Variants in ABCC1 observed in about 807,000 individuals in gnomAD.
The protein encoded by ABCC1 is multidrug resistance-associated protein 1.
A neutral mutation model predicts 172.9 loss-of-function variants in ABCC1; 83 were observed. The observed-to-expected ratio is 0.48, with a 90% CI of 0.40 to 0.58. The LOEUF (loss-of-function observed/expected upper bound fraction) is 0.58, where lower values mean the gene tolerates loss of function less well. Ranked by LOEUF, ABCC1 falls within the 20% of genes least tolerant of loss-of-function variation. ABCC1 has a pLI of 0.00. For missense variants in ABCC1, 1,817 were observed against 2,002.7 expected, an observed-to-expected ratio of 0.91 and a Z score of 1.77; for synonymous variants, 937 against 825.2, an observed-to-expected ratio of 1.14 and a Z score of -2.32.
chr16:15,969,794 C>T (rs1032123699), intron 1 of ABCC1, among the ~76,000 whole-genome samples: 2 of 151,976 alleles, frequency 1.3e-5, no homozygotes, highest in Non-Finnish European at 2.9e-5. Flanking sequence ...GTAGAATCTC[C>T]GAGGGTCAGT....
chr16:15,971,854 T>C (rs2046377571), intron 1 of ABCC1, among the ~76,000 whole-genome samples: 1 of 151,962 alleles, frequency 6.6e-6, no homozygotes. Flanking sequence ...TTAGATAAAA[T>C]GACACAGACA....
chr16:15,976,349 T>G (rs1248782294), intron 1 of ABCC1, among the ~76,000 whole-genome samples: 1 of 152,222 alleles, frequency 6.6e-6, no homozygotes, highest in Non-Finnish European at 1.5e-5. Flanking sequence ...CTGTTGTTAA[T>G]GCCTTTGAAG....
chr16:16,005,564 T>A (rs1216492574), intron 1 of ABCC1, among the ~76,000 whole-genome samples: 2 of 152,038 alleles, frequency 1.3e-5, no homozygotes, highest in African/African-American at 4.8e-5. Flanking sequence ...GCCAGGATGG[T>A]CTTGATCTCC....
At chr16:16,042,792 T>C (rs1274015635) in intron 7 of ABCC1, among the ~76,000 whole-genome samples, 1 of 152,204 alleles carries the variant, frequency 6.6e-6, no homozygotes, top group Admixed American at 6.5e-5. Flanking sequence ...AATTCATGTA[T>C]GCAGAACATA....
chr16:15,969,107 G>A (rs2046312311), intron 1 of ABCC1, among the ~76,000 whole-genome samples: 1 of 152,088 alleles, frequency 6.6e-6, no homozygotes, highest in African/African-American at 2.4e-5. Flanking sequence ...GGAAGGGGGA[G>A]GCATAAGGAT....
intron 5 of ABCC1, among the ~76,000 whole-genome samples, chr16:16,021,802 G>GT (rs1275940997): frequency 6.6e-6 from 1 of 152,162 alleles, no homozygotes; most frequent in Non-Finnish European, 1.5e-5. Flanking sequence ...GCAAGGAAGG[G>GT]TAGGAACCAG....
intron 23 of ABCC1, among the ~76,000 whole-genome samples, chr16:16,119,554 G>A (rs980199068): frequency 5.3e-5 from 8 of 152,084 alleles, no homozygotes; most frequent in Admixed American, 3.9e-4. Flanking sequence ...AGCCAGGCAC[G>A]GTGGTGGGCG....
intron 23 of ABCC1, among the ~76,000 whole-genome samples, chr16:16,118,425 T>C (rs77706669): frequency 4.3e-5 from 2 of 46,444 alleles, no homozygotes; most frequent in Non-Finnish European, 8.1e-5. Context: ...TGGTGCCAGC[T>C]TTTTTTTTTT....
At chr16:16,042,971 C>G (rs2049035851) in intron 7 of ABCC1, among the ~76,000 whole-genome samples, 1 of 151,870 alleles carries the variant, frequency 6.6e-6, no homozygotes, top group African/African-American at 2.4e-5. Flanking sequence ...AAGCGATTCT[C>G]CTTTCTCACC....
chr16:15,994,465 G>C (rs1242658654), intron 1 of ABCC1, among the ~76,000 whole-genome samples: 1 of 152,088 alleles, frequency 6.6e-6, no homozygotes, highest in Non-Finnish European at 1.5e-5. Context: ...ACTGTGCTTG[G>C]GAAGCACTTA....
At chr16:15,961,290 C>T (rs1046355025) in intron 1 of ABCC1, among the ~76,000 whole-genome samples, 4 of 152,092 alleles carry the variant, frequency 2.6e-5, no homozygotes, top group Non-Finnish European at 4.4e-5. Context: ...AAGGCTTGTT[C>T]GTAAGATGAT....
chr16:16,105,768 G>C (rs1315141127), intron 20 of ABCC1, among the ~76,000 whole-genome samples: 1 of 147,678 alleles, frequency 6.8e-6, no homozygotes, highest in Admixed American at 6.8e-5. Flanking sequence ...CTGGAGTGCA[G>C]TGTGCAGTGG....
chr16:16,124,670 G>A (rs2045356987), intron 24 of ABCC1, 119 bp from the exon 25 acceptor site: 12 of 1,432,262 alleles, frequency 8.4e-6, no homozygotes, highest in Non-Finnish European at 1.2e-5. Context: ...ACTCTCTCTG[G>A]AATTACTGCG....
intron 1 of ABCC1, among the ~76,000 whole-genome samples, chr16:15,962,779 G>A (rs571999626): frequency 6.6e-6 from 1 of 152,308 alleles, no homozygotes; most frequent in African/African-American, 2.4e-5. Context: ...ACCAACACGT[G>A]GGGATTACAA....
intron 1 of ABCC1, among the ~76,000 whole-genome samples, chr16:15,975,243 G>A (rs2046457559): frequency 6.6e-6 from 1 of 152,146 alleles, no homozygotes; most frequent in African/African-American, 2.4e-5. Flanking sequence ...CCTCTCCTGG[G>A]GTGCAGGAGG....
At chr16:15,952,967 T>G (rs2045910552) in intron 1 of ABCC1, among the ~76,000 whole-genome samples, 1 of 149,218 alleles carries the variant, frequency 6.7e-6, no homozygotes, top group Non-Finnish European at 1.5e-5. Context: ...TTGAAGGCTG[T>G]GGGGGTGGAG....
chr16:16,044,341 G>A, intron 7 of ABCC1, 109 bp from the exon 8 acceptor site: 1 of 977,322 alleles, frequency 1.0e-6, no homozygotes, highest in Admixed American at 2.1e-5. Context: ...TGGGCTTGTT[G>A]TCTTTGACTC....
In ABCC1 at chr16:16,086,812, G is replaced by C; in HGVS notation, c.2293-12G>C. 3 of 1,612,654 alleles carry C rather than the reference G, an allele frequency of 1.9e-6. No homozygotes were observed. Among genetic ancestry groups the C allele is most frequent in the Non-Finnish European group, 2.5e-6 (3 of 1,179,546 alleles). ...TCCCAGGAAACCCACTCCTGTGTGTGTCTCTCCCCAGGGCGTGAACCTGTC... is the reference window on the plus strand; with the variant it reads ...TCCCAGGAAACCCACTCCTGTGTGTCTCTCTCCCCAGGGCGTGAACCTGTC... On this transcript the variant is annotated splice_polypyrimidine_tract_variant and intron_variant, in intron 17 of 30. Coordinates refer to ENST00000399410, the MANE Select transcript of ABCC1 (RefSeq NM_004996.4).
rs555108084 is a variant in ABCC1, at chr16:16,098,991, C to T, written c.2645-3636C>T. The T allele has an allele frequency of 2.8e-4, 318 of 1,154,424 alleles. 3 individuals are homozygous for T. In the South Asian group the frequency reaches 3.4e-3, roughly 12 times the overall value. The allele number at this position is 1,154,424 out of a possible 1,614,324, so 71.5% of individuals were successfully genotyped here. On this transcript the variant is annotated intron_variant, in intron 19 of 30. Transcript: ENST00000399410. ...TGTCGCTGCATGTCTGGGGAGGTGCCGTCAGATGTCTGTGTTTTCACCCCT... is the reference window on the plus strand; with the variant it reads ...TGTCGCTGCATGTCTGGGGAGGTGCTGTCAGATGTCTGTGTTTTCACCCCT...
Sources: gnomAD v4.1 joint callset for allele counts (sites outside exome capture counted in the v4.1 genomes callset) on GRCh38, gnomAD v4.1.1 for gene constraint, MANE v1.5 for transcripts, NCBI Gene and HGNC (gene_info 2026-07-23, HGNC 2026-07-21) for gene names.